The following CFAP299 variants were observed in gnomAD, a reference collection of about 807,000 sequenced individuals.
CFAP299 encodes cilia- and flagella-associated protein 299.
CFAP299 carries 21 observed loss-of-function variants against 27.0 expected under a neutral mutation model. The ratio of observed to expected loss-of-function variants is 0.78; its 90% CI spans 0.55 to 1.12. CFAP299 has a LOEUF of 1.12. CFAP299 is among the 50% of genes most tolerant of loss of function. The probability of loss-of-function intolerance (pLI) is 0.00; values close to 1 mark genes in which losing one functional copy is unlikely to be tolerated. For missense variants in CFAP299, 310 were observed against 276.6 expected, an observed-to-expected ratio of 1.12 and a Z score of -0.86; for synonymous variants, 104 against 98.1, an observed-to-expected ratio of 1.06 and a Z score of -0.36.
chr4:80,372,039 GA>G (rs1724172960), intron 2 of CFAP299, among the ~76,000 whole-genome samples: 3 of 152,146 alleles, frequency 2.0e-5, no homozygotes, highest in Admixed American at 1.3e-4. Flanking sequence ...AATTTATAAA[GA>G]AAAGAGGTTT....
Position 80,884,043 on chromosome 4 carries a change from G to A in CFAP299, c.476+13908G>A, listed in dbSNP as rs547263009. Among the ~76,000 whole-genome samples the A allele has an allele frequency of 2.6e-5, 4 of 152,210 alleles. No homozygotes were observed. The East Asian group carries it at 7.7e-4, about 29-fold the overall frequency. Reference sequence around the variant, plus strand: ...ACCCTTCACCCTCCAGTATGCACTGGTGTGTGGTGTTCCCTTCTATGTGTC... The same window carrying A: ...ACCCTTCACCCTCCAGTATGCACTGATGTGTGGTGTTCCCTTCTATGTGTC... On this transcript the variant is annotated intron_variant, in intron 4 of 5. Transcript: ENST00000358105.
intron 2 of CFAP299, among the ~76,000 whole-genome samples, chr4:80,434,854 A>C (rs1727987615): frequency 6.6e-6 from 1 of 152,198 alleles, no homozygotes; most frequent in South Asian, 2.1e-4. Context: ...CACTGGTATA[A>C]TTGTCGGTTG....
At chr4:80,923,458 T>C (rs756458818) in intron 4 of CFAP299, among the ~76,000 whole-genome samples, 2 of 152,062 alleles carry the variant, frequency 1.3e-5, no homozygotes, top group Non-Finnish European at 2.9e-5. Context: ...ACTGTGATGT[T>C]ACTACAAGGA....
At chr4:80,745,243 A>G (rs1724521065) in intron 3 of CFAP299, among the ~76,000 whole-genome samples, 1 of 152,174 alleles carries the variant, frequency 6.6e-6, no homozygotes, top group Non-Finnish European at 1.5e-5. Context: ...ACACATGAGG[A>G]AACCAACTGA....
chr4:80,490,797 A>G (rs1246940786), intron 2 of CFAP299, among the ~76,000 whole-genome samples: 1 of 152,210 alleles, frequency 6.6e-6, no homozygotes, highest in African/African-American at 2.4e-5. Flanking sequence ...GACTTAAGCT[A>G]TTATAACAAT....
intron 3 of CFAP299, among the ~76,000 whole-genome samples, chr4:80,689,060 G>A (rs527833743): frequency 5.3e-5 from 8 of 152,286 alleles, no homozygotes; most frequent in Middle Eastern, 3.4e-3. Flanking sequence ...CCAAATATAC[G>A]TCTGATTGGT....
intron 3 of CFAP299, among the ~76,000 whole-genome samples, chr4:80,838,754 T>A (rs1305718703): frequency 2.0e-5 from 3 of 152,124 alleles, no homozygotes; most frequent in Non-Finnish European, 4.4e-5. Flanking sequence ...GGGCCCTTTT[T>A]GGCTCCATAT....
intron 3 of CFAP299, among the ~76,000 whole-genome samples, chr4:80,851,846 A>G: frequency 6.6e-6 from 1 of 152,160 alleles, no homozygotes. Flanking sequence ...TGTTGGTTAC[A>G]GTAGCCTCAG....
intron 2 of CFAP299, among the ~76,000 whole-genome samples, chr4:80,521,146 G>A (rs1203599786): frequency 1.3e-5 from 2 of 152,082 alleles, no homozygotes; most frequent in Admixed American, 1.3e-4. Context: ...ATTCGAAATT[G>A]GAATGATGGA....
At chr4:80,790,590 G>T (rs555618895) in intron 3 of CFAP299, 1 of 152,052 alleles carries the variant, frequency 6.6e-6, no homozygotes, top group East Asian at 1.9e-4. Flanking sequence ...CTTTTCATCA[G>T]GTAAGGATAC....
chr4:80,855,607 C>G (rs1216826878), intron 3 of CFAP299, among the ~76,000 whole-genome samples: 1 of 152,090 alleles, frequency 6.6e-6, no homozygotes, highest in East Asian at 1.9e-4. Flanking sequence ...CTTCCTGTAT[C>G]CATGTGTTCT....
chr4:80,591,334 G>A (rs1011245106), intron 3 of CFAP299, among the ~76,000 whole-genome samples: 5 of 151,282 alleles, frequency 3.3e-5, no homozygotes, highest in African/African-American at 7.3e-5. Context: ...CGTTTTAGCC[G>A]GGATGGTCTC....
intron 2 of CFAP299, among the ~76,000 whole-genome samples, chr4:80,468,833 CAAAAAAAAAAAAA>C (rs762711937): frequency 1.4e-5 from 1 of 70,512 alleles, no homozygotes; most frequent in Non-Finnish European, 2.9e-5. Context: ...GACTCTGTCT[CAAAAAAAAAAAAA>C]AAAAAAAAGG....
At chr4:80,594,948 G>C (rs931399199) in intron 3 of CFAP299, among the ~76,000 whole-genome samples, 1 of 152,144 alleles carries the variant, frequency 6.6e-6, no homozygotes, top group African/African-American at 2.4e-5. Context: ...CTTTCCATTA[G>C]TCAGAGGCCC....
chr4:80,348,009 A>G (rs1025880935), intron 1 of CFAP299, among the ~76,000 whole-genome samples: 1 of 152,190 alleles, frequency 6.6e-6, no homozygotes, highest in African/African-American at 2.4e-5. Flanking sequence ...ACCTACAACC[A>G]TCTCATCTTT....
rs549023783 is a variant in CFAP299, at chr4:80,690,791, C to T, written c.333+107608C>T. ...GAAAGGATCAACAAAATTGATAGAC[C>T]GCTAGCAAGACTAATAAAGAAGAAA... On this transcript the variant is annotated intron_variant, in intron 3 of 5. Transcript: ENST00000358105. Among the ~76,000 whole-genome samples the T allele has an allele frequency of 5.4e-4, 78 of 144,816 alleles. No homozygotes were observed. In the East Asian group the frequency reaches 0.01, roughly 19 times the overall value.
Position 80,508,956 on chromosome 4 carries a change from G to A in CFAP299, c.243-74137G>A, listed in dbSNP as rs143123981. Among the ~76,000 whole-genome samples the A allele has an allele frequency of 3.9e-5, 6 of 152,244 alleles. No individual in the cohort carries two copies. In the East Asian group the frequency reaches 1.2e-3, roughly 29 times the overall value. On this transcript the variant is annotated intron_variant, in intron 2 of 5. Coordinates refer to ENST00000358105, the MANE Select transcript of CFAP299 (RefSeq NM_152770.3). ...ACAGAGCAATATGAGATATGATGGA[G>A]AACACTTTTTTGGCTCAGAACTATA... is the stretch of plus-strand genomic sequence containing the variant.
intron 4 of CFAP299, among the ~76,000 whole-genome samples, chr4:80,922,169 A>G (rs1454529892): frequency 1.3e-5 from 2 of 152,070 alleles, no homozygotes; most frequent in Non-Finnish European, 2.9e-5. Context: ...AAGTTATCCA[A>G]GGAGGTTGTT....
chr4:80,450,163 T>TAAACA (rs1560573009), intron 2 of CFAP299, among the ~76,000 whole-genome samples: 1 of 152,028 alleles, frequency 6.6e-6, no homozygotes, highest in African/African-American at 2.4e-5. Context: ...AAGCCAGGGG[T>TAAACA]AAACAAAACA....
Sources: gnomAD v4.1 joint callset for allele counts (sites outside exome capture counted in the v4.1 genomes callset) on GRCh38, gnomAD v4.1.1 for gene constraint, MANE v1.5 for transcripts, NCBI Gene and HGNC (gene_info 2026-07-23, HGNC 2026-07-21) for gene names.